Variants in C10orf90 observed in about 807,000 individuals in gnomAD.
C10orf90 encodes the protein chromosome 10 open reading frame 90, also known as (E2-independent) E3 ubiquitin-conjugating enzyme FATS.
Under a neutral mutation model 62.5 loss-of-function variants are expected in C10orf90, and 56 were observed. The observed-to-expected ratio is 0.90, with a 90% confidence interval of 0.72 to 1.12. The LOEUF (loss-of-function observed/expected upper bound fraction) is 1.12, where lower values mean the gene tolerates loss of function less well. Among genes scored for constraint, C10orf90 ranks in the 50% most tolerant of loss-of-function variants. The pLI, the probability that C10orf90 is intolerant of heterozygous loss-of-function variation, is 0.00. For missense variants in C10orf90, 970 were observed against 880.4 expected, an observed-to-expected ratio of 1.10 and a Z score of -1.29; for synonymous variants, 386 against 340.4, an observed-to-expected ratio of 1.13 and a Z score of -1.47.
intron 2 of C10orf90, among the ~76,000 whole-genome samples, chr10:126,576,707 A>ACATATTATC (rs1564879095): frequency 4.8e-5 from 2 of 41,410 alleles, no homozygotes; most frequent in African/African-American, 9.3e-5. Context: ...ATGTATATGT[A>ACATATTATC]TATATATACA....
chr10:126,640,311 G>A (rs1846035121), intron 2 of C10orf90, among the ~76,000 whole-genome samples: 1 of 152,216 alleles, frequency 6.6e-6, no homozygotes, highest in Non-Finnish European at 1.5e-5. Flanking sequence ...GAGCAGAAAG[G>A]CAGATGTTTT....
intron 2 of C10orf90, among the ~76,000 whole-genome samples, chr10:126,605,438 G>A (rs888864404): frequency 7.9e-5 from 12 of 152,204 alleles, no homozygotes; most frequent in African/African-American, 2.9e-4. Flanking sequence ...TGTTGTGGAG[G>A]ACCCTGGAGA....
At chr10:126,570,669 G>T (rs1001707307) in intron 2 of C10orf90, among the ~76,000 whole-genome samples, 2 of 152,128 alleles carry the variant, frequency 1.3e-5, no homozygotes, top group Admixed American at 6.6e-5. Flanking sequence ...CTCACTGAAG[G>T]TATTTTGCTG....
At chr10:126,632,004 G>A (rs1157909254) in intron 2 of C10orf90, among the ~76,000 whole-genome samples, 1 of 152,064 alleles carries the variant, frequency 6.6e-6, no homozygotes, top group East Asian at 1.9e-4. Flanking sequence ...TGGCCTTGGA[G>A]AGCAGCCCCA....
In C10orf90 at chr10:126,425,824, T is replaced by C; in HGVS notation, c.*40A>G. 1 of 1,598,432 alleles carries C rather than the reference T, an allele frequency of 6.3e-7. No individual in the cohort carries two copies. The highest frequency in any genetic ancestry group is 8.5e-7 in the Non-Finnish European group (1 of 1,173,258). On this transcript the variant is annotated 3_prime_UTR_variant, in exon 10 of 10. Transcript: ENST00000488181. Reference sequence around the variant, plus strand: ...ATGGCTTATCCAGCATTCGAAGTCCTCCCAGGTCCAGGTAGTGTGGTCAGC... The same window carrying C: ...ATGGCTTATCCAGCATTCGAAGTCCCCCCAGGTCCAGGTAGTGTGGTCAGC...
At chr10:126,605,223 C>T (rs12763955) in intron 2 of C10orf90, among the ~76,000 whole-genome samples, 8,414 of 152,262 alleles carry the variant, frequency 0.055, 272 homozygotes, top group Middle Eastern at 0.12. Flanking sequence ...CGTAAATGCC[C>T]TCAGAGGGGC....
chr10:126,479,038 G>A (rs1249726293), intron 4 of C10orf90, among the ~76,000 whole-genome samples: 1 of 152,098 alleles, frequency 6.6e-6, no homozygotes, highest in Non-Finnish European at 1.5e-5. Flanking sequence ...ACCAAAATTT[G>A]CACTAGGGTG....
intron 2 of C10orf90, among the ~76,000 whole-genome samples, chr10:126,533,089 C>T (rs1256361301): frequency 3.3e-5 from 5 of 151,342 alleles, no homozygotes; most frequent in Admixed American, 6.6e-5. Context: ...CCCGCCACCA[C>T]GCCCGGCTAA....
intron 1 of C10orf90, among the ~76,000 whole-genome samples, chr10:126,649,347 A>T (rs1846246113): frequency 6.6e-6 from 1 of 151,748 alleles, no homozygotes; most frequent in East Asian, 1.9e-4. Flanking sequence ...CACACTTTCC[A>T]TTGCCATTAG....
intron 2 of C10orf90, among the ~76,000 whole-genome samples, chr10:126,643,446 A>T (rs1316975464): frequency 5.3e-5 from 8 of 152,178 alleles, no homozygotes; most frequent in Non-Finnish European, 1.2e-4. Flanking sequence ...GCCTTTTGAG[A>T]TACATGCCTG....
intron 2 of C10orf90, among the ~76,000 whole-genome samples, chr10:126,636,156 T>C (rs1343494769): frequency 6.6e-6 from 1 of 152,002 alleles, no homozygotes; most frequent in Admixed American, 6.6e-5. Context: ...AACACAGAAA[T>C]ACAATTTGCA....
intron 2 of C10orf90, among the ~76,000 whole-genome samples, chr10:126,612,482 C>T (rs142756851): frequency 2.0e-4 from 30 of 152,250 alleles, no homozygotes; most frequent in African/African-American, 4.6e-4. Flanking sequence ...CTGTGAGAGA[C>T]GCTAATCAGA....
At chr10:126,481,389 G>A (rs902603086) in intron 4 of C10orf90, among the ~76,000 whole-genome samples, 1 of 152,220 alleles carries the variant, frequency 6.6e-6, no homozygotes, top group Admixed American at 6.5e-5. Flanking sequence ...ATGACACATG[G>A]CACTCAATAA....
intron 3 of C10orf90, among the ~76,000 whole-genome samples, chr10:126,510,428 G>T (rs1447692483): frequency 6.6e-6 from 1 of 152,190 alleles, no homozygotes; most frequent in Non-Finnish European, 1.5e-5. Flanking sequence ...GTTTCAGGGT[G>T]ACATTCCATC....
At chr10:126,651,236 T>C (rs760840906) in intron 1 of C10orf90, among the ~76,000 whole-genome samples, 4 of 152,246 alleles carry the variant, frequency 2.6e-5, no homozygotes, top group Non-Finnish European at 5.9e-5. Flanking sequence ...GTACTCACTA[T>C]GGATCCTAAT....
chr10:126,573,970 G>A (rs1390079210), intron 2 of C10orf90, among the ~76,000 whole-genome samples: 2 of 152,292 alleles, frequency 1.3e-5, no homozygotes, highest in South Asian at 2.1e-4. Context: ...TTCACAAATA[G>A]AAGTTTGTGG....
chr10:126,580,229 C>A (rs899777044), intron 2 of C10orf90, among the ~76,000 whole-genome samples: 11 of 152,346 alleles, frequency 7.2e-5, no homozygotes, highest in Non-Finnish European at 1.0e-4. Context: ...TAACGACATG[C>A]CCTGGCTGTC....
intron 2 of C10orf90, among the ~76,000 whole-genome samples, chr10:126,573,058 T>G (rs1187841125): frequency 6.6e-6 from 1 of 152,036 alleles, no homozygotes; most frequent in Non-Finnish European, 1.5e-5. Flanking sequence ...GACACCGAAT[T>G]GTAGAAGGAA....
chr10:126,446,418 C>T (rs1453880943), intron 7 of C10orf90, among the ~76,000 whole-genome samples: 1 of 152,058 alleles, frequency 6.6e-6, no homozygotes, highest in African/African-American at 2.4e-5. Context: ...AGGAAACCTC[C>T]ATCAGGCTAT....
Sources: gnomAD v4.1 joint callset for allele counts (sites outside exome capture counted in the v4.1 genomes callset) on GRCh38, gnomAD v4.1.1 for gene constraint, MANE v1.5 for transcripts, NCBI Gene and HGNC (gene_info 2026-07-23, HGNC 2026-07-21) for gene names.